The following CCDC125 variants were observed in gnomAD, a reference collection of about 807,000 sequenced individuals.
CCDC125 encodes the protein coiled-coil domain-containing protein 125.
In CCDC125, 43 loss-of-function variants were observed where a neutral mutation model predicts 57.4. The observed-to-expected ratio is 0.75, with a 90% CI of 0.59 to 0.97. The LOEUF (loss-of-function observed/expected upper bound fraction) is 0.97, where lower values mean the gene tolerates loss of function less well. Among genes scored for constraint, CCDC125 ranks in the 50% least tolerant of loss-of-function variants. The pLI is 0.00. For synonymous variants in CCDC125, 187 were observed against 195.2 expected, an observed-to-expected ratio of 0.96 and a Z score of 0.35; for missense variants, 563 against 595.7, an observed-to-expected ratio of 0.95 and a Z score of 0.57.
intron 10 of CCDC125, among the ~76,000 whole-genome samples, chr5:69,286,995 A>T (rs1481183615): frequency 5.3e-4 from 18 of 33,984 alleles, no homozygotes; most frequent in South Asian, 4.0e-3. Context: ...AGTTTAAGAT[A>T]AAAAAAAAAA....
At chr5:69,331,071 G>A (rs1255243450) in intron 1 of CCDC125, among the ~76,000 whole-genome samples, 3 of 152,062 alleles carry the variant, frequency 2.0e-5, no homozygotes, top group African/African-American at 7.2e-5. Flanking sequence ...GGGAGGCTGA[G>A]GCGGGCAGAT....
In CCDC125 at chr5:69,292,950, C is replaced by T. The variant is rs542881927; in HGVS notation, c.925-588G>A. ...CCGCCTCCTGGGTTCAAGCAATTCT[C>T]CTGCCTCTGCCTCTCGAGTAGCTGG... On this transcript the variant is annotated intron_variant, in intron 9 of 11. Transcript: ENST00000396496. 2.2e-4 allele frequency among the ~76,000 whole-genome samples: 33 copies of T among 151,380 alleles called. No homozygotes were observed. In the South Asian group the frequency reaches 6.9e-3, roughly 32 times the overall value.
chr5:69,312,592 C>A (rs1017205835), intron 3 of CCDC125, among the ~76,000 whole-genome samples: 2 of 152,166 alleles, frequency 1.3e-5, no homozygotes, highest in African/African-American at 4.8e-5. Context: ...TGAAGCCACA[C>A]ATACGGGGAA....
rs530318313 is a variant in CCDC125 at position 69,300,856 on chromosome 5, TTTC to T, written c.701-732_701-730del. 5.1e-4 allele frequency among the ~76,000 whole-genome samples: 77 copies of T among 152,108 alleles called. 1 individual carries two copies. In the South Asian group the frequency reaches 0.016, roughly 31 times the overall value. ...CCTAATTTAGAGCTTTTTTTGTCCT[TTTC>T]TTCTTTTTTCCTTTCTTTTCTTCTT... On this transcript the variant is annotated intron_variant, in intron 7 of 11. Coordinates refer to ENST00000396496, the MANE Select transcript of CCDC125 (RefSeq NM_176816.5).
downstream of CCDC125, among the ~76,000 whole-genome samples, chr5:69,279,064 G>C (rs1304705246): frequency 6.6e-6 from 1 of 151,708 alleles, no homozygotes; most frequent in Non-Finnish European, 1.5e-5. Flanking sequence ...TTAGCTCACA[G>C]TTCTGTAGGC....
At chr5:69,300,791 A>C (rs1437626069) in intron 7 of CCDC125, among the ~76,000 whole-genome samples, 1 of 151,942 alleles carries the variant, frequency 6.6e-6, no homozygotes, top group East Asian at 1.9e-4. Context: ...TATACAACTC[A>C]GCTAAGACAC....
downstream of CCDC125, among the ~76,000 whole-genome samples, chr5:69,275,455 A>G (rs1459097308): frequency 6.6e-6 from 1 of 152,176 alleles, no homozygotes; most frequent in African/African-American, 2.4e-5. Flanking sequence ...GTAGAGTTCA[A>G]TATGTAGAGA....
chr5:69,331,666 G>A lies in CCDC125; in HGVS notation c.-41+983C>T, dbSNP rs558725728. Among the ~76,000 whole-genome samples the A allele has an allele frequency of 3.9e-5, 6 of 152,298 alleles. No homozygotes were observed. In the East Asian group the frequency reaches 7.7e-4, roughly 20 times the overall value. On this transcript the variant is annotated intron_variant, in intron 1 of 11. Coordinates refer to ENST00000396496, the MANE Select transcript of CCDC125 (RefSeq NM_176816.5). ...CCCTGGATGTACTCTGCGCTTCCAC[G>A]TAAGAGGAACTGCACTTGCTCCCAG...
At chr5:69,325,592 G>A (rs553945734) in intron 1 of CCDC125, among the ~76,000 whole-genome samples, 17 of 151,006 alleles carry the variant, frequency 1.1e-4, no homozygotes, top group African/African-American at 3.9e-4. Context: ...TTGGAAGGTC[G>A]AGGTGGGCGG....
Position 69,282,380 on chromosome 5 carries a change from G to A in CCDC125, c.*349C>T, listed in dbSNP as rs1362653805. On this transcript the variant is annotated 3_prime_UTR_variant, in exon 12 of 12. Coordinates refer to ENST00000396496, the MANE Select transcript of CCDC125 (RefSeq NM_176816.5). ...AGTTCAAGATCAGCCTGGCTAACAT[G>A]GTAAAACCCCGTCTCTACTAAAAAT... 1.7e-5 allele frequency: 3 copies of A among 174,366 alleles called. No individual in the cohort carries two copies. Among genetic ancestry groups the A allele is most frequent in the Non-Finnish European group, 3.6e-5 (3 of 83,246 alleles). 10.8% of individuals were successfully genotyped at this position (174,366 alleles called of 1,614,324 possible).
chr5:69,283,792 ATT>A lies in CCDC125; in HGVS notation c.1231-760_1231-759del, dbSNP rs35950289. Among the ~76,000 whole-genome samples the A allele has an allele frequency of 9.7e-3, 1,351 of 139,702 alleles. 20 individuals carry two copies. The highest frequency in any genetic ancestry group is 0.032 in the African/African-American group (1,206 of 38,128). 91.6% of individuals were successfully genotyped at this position (139,702 alleles called of 152,430 possible). A position where few individuals can be genotyped will look rare whatever the true frequency, so the allele number is the denominator to read the frequency against. ...TGTGTGCCACCATGCCAGGCTGACA[ATT>A]TTTTTTTTTTTTTGAGACAGAGTCT... On this transcript the variant is annotated intron_variant, in intron 11 of 11. Coordinates refer to ENST00000396496, the MANE Select transcript of CCDC125 (RefSeq NM_176816.5).
At chr5:69,278,517 C>T (rs1752314043), downstream of CCDC125, among the ~76,000 whole-genome samples, 1 of 151,878 alleles carries the variant, frequency 6.6e-6, no homozygotes, top group Non-Finnish European at 1.5e-5. Context: ...CCAGCCAATA[C>T]TTCACTTTAT....
At chr5:69,311,353 C>A in intron 3 of CCDC125, 149 bp from the exon 4 acceptor site, 1 of 533,568 alleles carries the variant, frequency 1.9e-6, no homozygotes. Flanking sequence ...ACCAGACATA[C>A]TAAAATTGAA....
downstream of CCDC125, chr5:69,277,235 G>A (rs1013247806): frequency 5.2e-6 from 4 of 764,380 alleles, no homozygotes; most frequent in East Asian, 1.1e-4. Context: ...AAGTGAGTTT[G>A]TAAATATTCT....
At chr5:69,305,609 G>C (rs187225028) in intron 6 of CCDC125, among the ~76,000 whole-genome samples, 2 of 152,130 alleles carry the variant, frequency 1.3e-5, no homozygotes, top group Non-Finnish European at 2.9e-5. Context: ...TGCACCTGCC[G>C]CCAGAAGGTT....
At chr5:69,295,862 T>A (rs1412305822) in intron 8 of CCDC125, among the ~76,000 whole-genome samples, 2 of 151,680 alleles carry the variant, frequency 1.3e-5, no homozygotes, top group African/African-American at 4.8e-5. Context: ...CAGCACAAAC[T>A]TCTACACTTT....
chr5:69,308,306 G>A, intron 4 of CCDC125: 1 of 431,858 alleles, frequency 2.3e-6, no homozygotes, highest in Non-Finnish European at 4.3e-6. Context: ...GAAACCATCT[G>A]ATACGGTTTG....
Position 69,292,313 on chromosome 5 carries a change from G to A in CCDC125, c.974C>T (p.Ala325Val). Residue 325 changes from alanine (A) to valine (V), a missense_variant, in exon 10 of 12, where the codon GCT becomes GTT. Coordinates refer to ENST00000396496, the MANE Select transcript of CCDC125 (RefSeq NM_176816.5). Reference protein sequence around the residue: ...SKEEAYVMADAFRIAFEQQLM... With the variant: ...SKEEAYVMADVFRIAFEQQLM... ...TTGTTGCTCAAATGCAATTCTGAAA[G>A]CATCTGCCATCACGTAAGCTTCTTC... 1 of 1,613,808 alleles carries A rather than the reference G, an allele frequency of 6.2e-7. No individual in the cohort carries two copies. The highest frequency in any genetic ancestry group is 8.5e-7 in the Non-Finnish European group (1 of 1,179,892).
chr5:69,301,392 TG>T (rs1756415587), intron 7 of CCDC125, among the ~76,000 whole-genome samples: 1 of 151,958 alleles, frequency 6.6e-6, no homozygotes. Context: ...CCAGCACTTT[TG>T]GAGGCCAAGG....
Sources: allele counts gnomAD v4.1 joint callset (sites outside exome capture counted in the v4.1 genomes callset), GRCh38; gene constraint gnomAD v4.1.1; transcripts MANE v1.5; gene names NCBI Gene and HGNC (gene_info 2026-07-23, HGNC 2026-07-21).